PARP10: variants seen among roughly 807,000 people sequenced by gnomAD.
PARP10 encodes protein mono-ADP-ribosyltransferase PARP10.
PARP10 carries 56 observed loss-of-function variants against 82.4 expected under a neutral mutation model. That is an observed-to-expected ratio of 0.68 (90% CI 0.55 to 0.85). PARP10 has a LOEUF of 0.85. Among genes scored for constraint, PARP10 ranks in the 40% least tolerant of loss-of-function variants. The pLI is 0.00. For synonymous variants in PARP10, 576 were observed against 601.1 expected (o/e 0.96, Z 0.61); for missense variants, 1,227 against 1,379.4 (o/e 0.89, Z 1.75).
At chr8:143,989,151 G>C (rs1488061428), upstream of PARP10, among the ~76,000 whole-genome samples, 1 of 152,272 alleles carries the variant, frequency 6.6e-6, no homozygotes, top group African/African-American at 2.4e-5. The surrounding 1 kb of genome is among the most constrained non-coding windows in gnomAD (Gnocchi z 4.3). Context: ...GCCTGGGAGA[G>C]GCCGGCCCTC....
At chr8:143,991,868 C>T, upstream of PARP10, 1 of 1,610,672 alleles carries the variant, frequency 6.2e-7, no homozygotes, top group Non-Finnish European at 8.5e-7. Context: ...CTGAGCGGCT[C>T]CTTCCCCAGG....
chr8:144,001,663 G>A lies in PARP10; in HGVS notation c.-80+10867C>T, dbSNP rs1169733066. Among the ~76,000 whole-genome samples the A allele has an allele frequency of 5.9e-5, 9 of 152,156 alleles. No homozygotes were observed. In the East Asian group the frequency reaches 1.4e-3, roughly 23 times the overall value. ...AGAGGTAACAGTGAGCAGAGGTCACGCCATTGCACACCAGCCTGGGCAACA... is the reference window on the plus strand; with the variant it reads ...AGAGGTAACAGTGAGCAGAGGTCACACCATTGCACACCAGCCTGGGCAACA... On this transcript the variant is annotated intron_variant, in intron 1 of 3. Transcript: ENST00000530478.
At position 143,985,451 on chromosome 8, in the gene PARP10, C is replaced by T. The variant is rs782643657; in HGVS notation, c.634G>A (p.Gly212Arg). 1.7e-5 allele frequency: 27 copies of T among 1,611,846 alleles called. No individual in the cohort carries two copies. The highest frequency in any genetic ancestry group is 2.7e-5 in the African/African-American group (2 of 74,948). The change falls in exon 4 of 11, where the codon GGG becomes AGG. Residue 212 changes from glycine to arginine, a missense_variant. Coordinates refer to ENST00000313028, the MANE Select transcript of PARP10 (RefSeq NM_032789.5). Reference protein sequence around the residue: ...GPLEDLQRLPGPLGTVASFQQ... With the variant: ...GPLEDLQRLPRPLGTVASFQQ... ...AAGGAGGCAACAGTGCCCAGGGGCC[C>T]GGGTAGGCGTTGCAGGTCCTCCAGG... is the stretch of plus-strand genomic sequence containing the variant.
chr8:144,003,585 T>G (rs1161114462), intron 1 of PARP10, among the ~76,000 whole-genome samples: 1 of 152,154 alleles, frequency 6.6e-6, no homozygotes, highest in Non-Finnish European at 1.5e-5. Flanking sequence ...GAGGCACATT[T>G]CAGGCCACGT....
At chr8:143,991,209 G>T, upstream of PARP10, 1 of 1,556,194 alleles carries the variant, frequency 6.4e-7, no homozygotes, top group Non-Finnish European at 8.7e-7. Flanking sequence ...GGGGCGGACC[G>T]CGGAACCCGA....
upstream of PARP10, among the ~76,000 whole-genome samples, chr8:143,994,248 C>T (rs995930939): frequency 3.9e-5 from 6 of 152,174 alleles, no homozygotes; most frequent in South Asian, 4.1e-4. Context: ...CCGCGGGCAC[C>T]GCAGTTGTGG....
Position 144,010,141 on chromosome 8 carries a change from G to A in PARP10, c.-80+2389C>T, listed in dbSNP as rs533765015. On this transcript the variant is annotated intron_variant, in intron 1 of 3. Coordinates refer to the PARP10 transcript ENST00000530478. ...TTTGGTGAGGCACACTCCCCAACTG[G>A]ATCTGGCCCACCTGCTGTACCCTCT... Among the ~76,000 whole-genome samples the A allele has an allele frequency of 2.6e-5, 4 of 152,268 alleles. No individual in the cohort carries two copies. The South Asian group carries it at 8.3e-4, about 32-fold the overall frequency.
At chr8:143,997,813 A>G (rs1260289938) in intron 1 of PARP10, among the ~76,000 whole-genome samples, 5 of 150,344 alleles carry the variant, frequency 3.3e-5, no homozygotes, top group Non-Finnish European at 7.4e-5. Flanking sequence ...TTTTTTTGAG[A>G]CAGGGTTTTA....
rs782324414 is a variant in PARP10 at position 144,008,587 on chromosome 8, T to G, written c.-80+3943A>C. 1.3e-5 allele frequency among the ~76,000 whole-genome samples: 2 copies of G among 151,754 alleles called. No homozygotes were observed. Among genetic ancestry groups the G allele is most frequent in the African/African-American group, 4.8e-5 (2 of 41,272 alleles). ...CAAACCCCGAGTGCACCCCAGGAGGTTCCTGTCACTCCTGCGGGCCCAGCC... is the reference window on the plus strand; with the variant it reads ...CAAACCCCGAGTGCACCCCAGGAGGGTCCTGTCACTCCTGCGGGCCCAGCC... On this transcript the variant is annotated intron_variant, in intron 1 of 3. Transcript: ENST00000530478. The surrounding 1 kb of genome is among the most constrained non-coding windows in gnomAD (Gnocchi z 4.0).
chr8:143,996,129 C>A (rs1554751282), upstream of PARP10, among the ~76,000 whole-genome samples: 1 of 152,228 alleles, frequency 6.6e-6, no homozygotes, highest in East Asian at 1.9e-4. Flanking sequence ...TGTGGACGCT[C>A]CCCCACGATG....
intron 1 of PARP10, among the ~76,000 whole-genome samples, chr8:144,001,596 C>T (rs1834203135): frequency 2.6e-5 from 4 of 152,180 alleles, no homozygotes; most frequent in Admixed American, 2.6e-4. Context: ...ATCCCAGCTA[C>T]TCGGGAGGCT....
At chr8:143,991,377 T>A, upstream of PARP10, 1 of 1,111,220 alleles carries the variant, frequency 9.0e-7, no homozygotes, top group Non-Finnish European at 1.2e-6. Flanking sequence ...GCCCTCCCCC[T>A]ACGGTCAGCC....
rs1833727196 is a variant in PARP10 at position 143,977,682 on chromosome 8, C to T, written c.2880G>A (p.Leu960=). Residue 960 remains leucine, a synonymous_variant, in exon 11 of 11, where the codon CTG becomes CTA. Transcript: ENST00000313028. ...TGDYGQGRRG[L]RAPPLRGPGH... ...CAGGACCCCGCAGAGGGGGCGCCCG[C>T]AGACCGCGGCGGCCCTGCCCGTAGT... is the stretch of plus-strand genomic sequence containing the variant. 1 of 1,592,260 alleles carries T rather than the reference C, an allele frequency of 6.3e-7. No homozygotes were observed. The highest frequency in any genetic ancestry group is 8.5e-7 in the Non-Finnish European group (1 of 1,170,210).
chr8:144,004,485 C>T (rs782660224), intron 1 of PARP10, among the ~76,000 whole-genome samples: 6 of 152,168 alleles, frequency 3.9e-5, no homozygotes, highest in South Asian at 2.1e-4. Flanking sequence ...ATTGTCCCCA[C>T]GCCACAAGTG....
At chr8:144,005,839 T>C (rs1834232549) in intron 1 of PARP10, among the ~76,000 whole-genome samples, 1 of 151,908 alleles carries the variant, frequency 6.6e-6, no homozygotes, top group Admixed American at 6.5e-5. Context: ...GACCACTCCA[T>C]ACCAGACAGC....
chr8:143,990,137 G>A (rs1395163227), upstream of PARP10: 1 of 150,922 alleles, frequency 6.6e-6, no homozygotes, highest in Non-Finnish European at 1.5e-5. The surrounding 1 kb of genome is among the most constrained non-coding windows in gnomAD (Gnocchi z 5.6). Context: ...CGGGCGCATC[G>A]GCCATCACCG....
chr8:144,005,722 G>C (rs1834232002), intron 1 of PARP10, among the ~76,000 whole-genome samples: 1 of 151,872 alleles, frequency 6.6e-6, no homozygotes, highest in Non-Finnish European at 1.5e-5. Context: ...ACCCACCCCA[G>C]GGCGTCTGCA....
intron 1 of PARP10, among the ~76,000 whole-genome samples, chr8:144,002,532 A>G (rs1834209413): frequency 1.3e-5 from 2 of 152,346 alleles, no homozygotes; most frequent in South Asian, 4.1e-4. Context: ...GACATATTAT[A>G]AAACAATAAC....
upstream of PARP10, chr8:143,991,148 C>A (rs948273096): frequency 1.1e-5 from 11 of 1,020,414 alleles, no homozygotes; most frequent in Non-Finnish European, 1.6e-5. Context: ...GGCTGGGTCC[C>A]GACGCTGTCG....
Sources: gnomAD v4.1 joint callset for allele counts (sites outside exome capture counted in the v4.1 genomes callset) on GRCh38, gnomAD v4.1.1 for gene constraint, Gnocchi (gnomAD v3.1) non-coding constraint, MANE v1.5 for transcripts, NCBI Gene and HGNC (gene_info 2026-07-23, HGNC 2026-07-21) for gene names.